TENM3: variants seen among roughly 807,000 people sequenced by gnomAD.
The protein encoded by TENM3 is teneurin transmembrane protein 3.
In TENM3, 63 loss-of-function variants were observed where a neutral mutation model predicts 255.1. That is an observed-to-expected ratio of 0.25 (90% CI 0.20 to 0.30). TENM3 has a LOEUF of 0.30. Ranked by LOEUF, TENM3 falls within the 10% of genes least tolerant of loss-of-function variation. The pLI is 1.00. For synonymous variants in TENM3, 1,306 were observed against 1,322.3 expected (o/e 0.99, Z 0.27); for missense variants, 2,929 against 3,461.1 (o/e 0.85, Z 3.86).
At chr4:182,415,660 T>C (rs796780880) in intron 3 of TENM3, among the ~76,000 whole-genome samples, 42 of 152,274 alleles carry the variant, frequency 2.8e-4, no homozygotes, top group African/African-American at 8.9e-4. Flanking sequence ...TGACAGTGGG[T>C]AAACAATCAA....
intron 6 of TENM3, among the ~76,000 whole-genome samples, chr4:182,667,898 T>C (rs1312428953): frequency 6.6e-6 from 1 of 151,766 alleles, no homozygotes; most frequent in Admixed American, 6.6e-5. Flanking sequence ...TGTATACATA[T>C]GTAACAAACC....
chr4:181,669,193 AG>A, the TENM3 span, among the ~76,000 whole-genome samples: 3 of 152,234 alleles, frequency 2.0e-5, no homozygotes, highest in Admixed American at 6.5e-5. Context: ...ATAATAGTTA[AG>A]ATTTCTTGAA....
At chr4:181,725,321 C>G in the TENM3 span, among the ~76,000 whole-genome samples, 1 of 152,122 alleles carries the variant, frequency 6.6e-6, no homozygotes, top group South Asian at 2.1e-4. Flanking sequence ...TGCCATCTTT[C>G]CCTGCAACGT....
the TENM3 span, among the ~76,000 whole-genome samples, chr4:181,530,817 A>G: frequency 6.6e-6 from 1 of 152,202 alleles, no homozygotes; most frequent in Non-Finnish European, 1.5e-5. Flanking sequence ...GTGCATGTGC[A>G]TGTATGTACG....
At position 182,800,283 on chromosome 4, in the gene TENM3, T is replaced by G; in HGVS notation, c.8032T>G (p.Tyr2678Asp). 1 of 1,570,944 alleles carries G rather than the reference T, an allele frequency of 6.4e-7. No individual in the cohort carries two copies. Among genetic ancestry groups the G allele is most frequent in the East Asian group, 2.3e-5 (1 of 43,304 alleles). The change falls in exon 28 of 28, where the codon TAC becomes GAC. Residue 2678 changes from tyrosine (Y) to aspartate (D), a missense_variant. This residue lies in a region of TENM3 where 476 missense variants were observed against 480.1 expected (regional missense o/e 0.99). Coordinates refer to ENST00000511685, the MANE Select transcript of TENM3 (RefSeq NM_001080477.4). ...GTACTACGTACTCTCGGTGGAGCAGTACCCCGAGCTGGCCGACAGCGCCAA... is the reference window on the plus strand; with the variant it reads ...GTACTACGTACTCTCGGTGGAGCAGGACCCCGAGCTGGCCGACAGCGCCAA... ...DGYYVLSVEQ[Y>D]PELADSANNI...
At chr4:181,633,482 G>T in the TENM3 span, among the ~76,000 whole-genome samples, 11 of 152,152 alleles carry the variant, frequency 7.2e-5, no homozygotes, top group Non-Finnish European at 4.4e-5. Context: ...ACTCCGAAAC[G>T]CAGAGGATGC....
At chr4:182,011,378 C>T in the TENM3 span, among the ~76,000 whole-genome samples, 1 of 152,120 alleles carries the variant, frequency 6.6e-6, no homozygotes, top group Admixed American at 6.5e-5. Flanking sequence ...ATTTTACTTC[C>T]TATTTATTTC....
intron 3 of TENM3, among the ~76,000 whole-genome samples, chr4:182,516,474 T>C (rs1265045345): frequency 6.6e-6 from 1 of 152,224 alleles, no homozygotes. Context: ...CCTTTATTAG[T>C]TCCCTACCTC....
At chr4:181,688,811 C>A in the TENM3 span, among the ~76,000 whole-genome samples, 1 of 152,132 alleles carries the variant, frequency 6.6e-6, no homozygotes, top group East Asian at 1.9e-4. Context: ...CAAGATGATA[C>A]CAGACAACAA....
At chr4:181,628,316 G>T in the TENM3 span, among the ~76,000 whole-genome samples, 1 of 152,146 alleles carries the variant, frequency 6.6e-6, no homozygotes, top group Non-Finnish European at 1.5e-5. Flanking sequence ...TTCTTTTGCT[G>T]TGCAGAAGTT....
chr4:181,654,348 T>G, the TENM3 span, among the ~76,000 whole-genome samples: 1 of 152,014 alleles, frequency 6.6e-6, no homozygotes, highest in South Asian at 2.1e-4. Flanking sequence ...TTTTGAGACA[T>G]TCGAGCTTAA....
the TENM3 span, among the ~76,000 whole-genome samples, chr4:181,629,609 T>G: frequency 3.3e-5 from 5 of 152,224 alleles, no homozygotes; most frequent in Non-Finnish European, 5.9e-5. Context: ...GGTTTTTGTC[T>G]TTGGTTCTGT....
chr4:182,032,716 C>A, the TENM3 span, among the ~76,000 whole-genome samples: 1 of 152,070 alleles, frequency 6.6e-6, no homozygotes, highest in Non-Finnish European at 1.5e-5. Context: ...TTTATTACTG[C>A]CTCAATTTGA....
At chr4:182,246,696 T>G (rs1300407664) in intron 1 of TENM3, among the ~76,000 whole-genome samples, 1 of 138,526 alleles carries the variant, frequency 7.2e-6, no homozygotes, top group Non-Finnish European at 1.6e-5. Context: ...ACTGTATTCA[T>G]AAGAAATAGA....
the TENM3 span, among the ~76,000 whole-genome samples, chr4:181,766,276 A>G: frequency 6.6e-6 from 1 of 152,126 alleles, no homozygotes; most frequent in Non-Finnish European, 1.5e-5. Flanking sequence ...AGCAAATAAA[A>G]CTTCATGCCT....
the TENM3 span, among the ~76,000 whole-genome samples, chr4:181,527,650 G>T: frequency 1.3e-5 from 2 of 149,110 alleles, no homozygotes; most frequent in African/African-American, 4.9e-5. Flanking sequence ...TAATATAAAA[G>T]GATAATAGAA....
the TENM3 span, among the ~76,000 whole-genome samples, chr4:181,636,128 C>T: frequency 6.6e-6 from 1 of 152,090 alleles, no homozygotes; most frequent in East Asian, 1.9e-4. Flanking sequence ...TCACTACAAC[C>T]TCCACATCCC....
the TENM3 span, among the ~76,000 whole-genome samples, chr4:181,662,151 A>G: frequency 6.6e-6 from 1 of 152,208 alleles, no homozygotes. Flanking sequence ...TAATTTATTC[A>G]TGCCAGAATG....
At chr4:181,770,401 G>T in the TENM3 span, among the ~76,000 whole-genome samples, 23 of 152,124 alleles carry the variant, frequency 1.5e-4, no homozygotes, top group Non-Finnish European at 2.9e-4. Context: ...TTGGCCGGGC[G>T]TGGTGGCTCA....
Sources: allele counts gnomAD v4.1 joint callset (sites outside exome capture counted in the v4.1 genomes callset), GRCh38; gene constraint gnomAD v4.1.1; regional missense constraint gnomAD v4.1.1; transcripts MANE v1.5; gene names NCBI Gene and HGNC (gene_info 2026-07-23, HGNC 2026-07-21).